Variants in DDX56 observed in about 807,000 individuals in gnomAD.
DDX56 encodes the protein probable ATP-dependent RNA helicase DDX56.
In DDX56, 45 loss-of-function variants were observed where a neutral mutation model predicts 61.5. The observed-to-expected ratio is 0.73, with a 90% CI of 0.58 to 0.94. DDX56 has a LOEUF of 0.94. DDX56 is among the 40% of genes least tolerant of loss of function. The probability of loss-of-function intolerance (pLI) is 0.00; values close to 1 mark genes in which losing one functional copy is unlikely to be tolerated. For synonymous variants in DDX56, 273 were observed against 268.3 expected (o/e 1.02, Z -0.17); for missense variants, 708 against 690.7 (o/e 1.02, Z -0.28).
In DDX56 at chr7:44,573,577, A is replaced by T. The variant is rs771577632; in HGVS notation, c.222+6T>A. The T allele has an allele frequency of 6.2e-7, 1 of 1,612,254 alleles. No homozygotes were observed. The highest frequency in any genetic ancestry group is 8.5e-7 in the Non-Finnish European group (1 of 1,178,850). ...CCTTCCTCCCCTCAGCTCTCTCGTT[A>T]CCCACCGCCTTCCTATGGAGCAACA... is the stretch of plus-strand genomic sequence containing the variant. On this transcript the variant is annotated splice_donor_region_variant and intron_variant, in intron 2 of 13. Transcript: ENST00000258772.
intron 13 of DDX56, 54 bp from the exon 14 acceptor site, chr7:44,566,133 A>AACAC: frequency 1.3e-6 from 1 of 743,096 alleles, no homozygotes; most frequent in Non-Finnish European, 2.0e-6. Context: ...CAGACAATCC[A>AACAC]CCCACCCACC....
chr7:44,570,748 A>G lies in DDX56; in HGVS notation c.1010+10T>C. 1 of 1,597,884 alleles carries G rather than the reference A, an allele frequency of 6.3e-7. No homozygotes were observed. Among genetic ancestry groups the G allele is most frequent in the Non-Finnish European group, 8.5e-7 (1 of 1,171,208 alleles). On this transcript the variant is annotated intron_variant, in intron 7 of 13. Transcript: ENST00000258772. ...TCTGGGGAGGGATGGAAAAAGAGGCATGGACTCACTTGTCCCCTTTGGGCC... is the reference window on the plus strand; with the variant it reads ...TCTGGGGAGGGATGGAAAAAGAGGCGTGGACTCACTTGTCCCCTTTGGGCC...
chr7:44,568,852 A>C (rs1802602636), intron 11 of DDX56, 51 bp downstream of exon 11: 1 of 1,516,916 alleles, frequency 6.6e-7, no homozygotes, highest in African/African-American at 1.4e-5. Context: ...CCAGTCTCCA[A>C]AAAGGGCAGC....
chr7:44,566,151 C>A (rs776489652), intron 13 of DDX56, 72 bp from the exon 14 acceptor site: 32 of 897,036 alleles, frequency 3.6e-5, no homozygotes, highest in Non-Finnish European at 5.1e-5. Context: ...ACCCACCCAA[C>A]TGAGAAAGAC....
At chr7:44,568,040 CA>C in intron 12 of DDX56, 77 bp downstream of exon 12, 1 of 1,187,200 alleles carries the variant, frequency 8.4e-7, no homozygotes, top group Non-Finnish European at 1.2e-6. Flanking sequence ...GCACCAAGCA[CA>C]GGGGCTGACC....
At chr7:44,568,847 C>G (rs1802602583) in intron 11 of DDX56, 56 bp downstream of exon 11, 2 of 1,466,712 alleles carry the variant, frequency 1.4e-6, no homozygotes, top group Non-Finnish European at 1.9e-6. Flanking sequence ...CTCAGCCAGT[C>G]TCCAAAAAGG....
rs954981834 is a variant in DDX56, at chr7:44,570,867, T to C, written c.901A>G (p.Ile301Val). The C allele has an allele frequency of 6.2e-7, 1 of 1,612,366 alleles. No homozygotes were observed. The highest frequency in any genetic ancestry group is 1.3e-5 in the African/African-American group (1 of 75,038). The stretch of plus-strand genomic sequence containing the variant: ...TAGAAGCCTTGGTTGAACTGTGAGA[T>C]GATGTGGCACCTGCAGCCAAGAGCG... ...ELPLRSRCHI[I>V]SQFNQGFYDC... The change falls in exon 7 of 14, where the codon ATC (isoleucine) becomes GTC (valine). Residue 301 changes from isoleucine to valine, a missense_variant. Physicochemically the swap from Ile to Val is conservative, Grantham distance 29 (BLOSUM62 3). Transcript: ENST00000258772.
Position 44,570,106 on chromosome 7 carries a change from C to A in DDX56, c.1033G>T (p.Val345Leu). Residue 345 changes from valine (V) to leucine (L), a missense_variant, in exon 8 of 14, where the codon GTG becomes TTG. Physicochemically the swap from Val to Leu is conservative, Grantham distance 32. Coordinates refer to ENST00000258772, the MANE Select transcript of DDX56 (RefSeq NM_019082.4). The part of the protein sequence containing the change: ...GDKASDPEAG[V>L]ARGIDFHHVS... Reference sequence around the variant, plus strand: ...TGGTGGAAGTCTATGCCCCGGGCCACACCTGCTTCCGGATCAGAGGCCCTG... The same window carrying A: ...TGGTGGAAGTCTATGCCCCGGGCCAAACCTGCTTCCGGATCAGAGGCCCTG... 6.2e-7 allele frequency: 1 copy of A among 1,614,122 alleles called. No homozygotes were observed. The highest frequency in any genetic ancestry group is 1.3e-5 in the African/African-American group (1 of 75,056).
Position 44,565,894 on chromosome 7 carries a change from C to T in DDX56, c.*108G>A. ...CTAAAGGGCCCAGCACTGCCGGCCC[C>T]AGAACTGTCTGTTCAGGCTGTGCAG... On this transcript the variant is annotated 3_prime_UTR_variant, in exon 14 of 14. Coordinates refer to ENST00000258772, the MANE Select transcript of DDX56 (RefSeq NM_019082.4). The T allele has an allele frequency of 1.1e-6, 1 of 889,058 alleles. No individual in the cohort carries two copies. Among genetic ancestry groups the T allele is most frequent in the Non-Finnish European group, 1.8e-6 (1 of 541,552 alleles). The allele number at this position is 889,058 out of a possible 1,614,324, so 55.1% of individuals were successfully genotyped here.
chr7:44,572,731 C>G lies in DDX56; in HGVS notation c.397G>C (p.Glu133Gln). 1.2e-6 allele frequency: 2 copies of G among 1,614,206 alleles called. No individual in the cohort carries two copies. Among genetic ancestry groups the G allele is most frequent in the African/African-American group, 1.3e-5 (1 of 75,060 alleles). ...GTCCCTACTACCACATCTGGCTTCT[C>G]CATCAGCACAGCTCTGGAGGTGGAC... ...DSVSQRAVLM[E>Q]KPDVVVGTPS... Residue 133 changes from glutamate to glutamine, a missense_variant, in exon 4 of 14, where the codon GAG (glutamate) becomes CAG (glutamine). By Grantham distance (29) the Glu-to-Gln change is conservative (BLOSUM62 2). Coordinates refer to ENST00000258772, the MANE Select transcript of DDX56 (RefSeq NM_019082.4).
chr7:44,570,975 C>A, intron 6 of DDX56, 98 bp from the exon 7 acceptor site: 1 of 1,410,836 alleles, frequency 7.1e-7, no homozygotes, highest in Admixed American at 2.3e-5. Context: ...TTTCCTTTTT[C>A]CTCTTCTTAA....
rs367859317 is a variant in DDX56, at chr7:44,569,154, G to A, written c.1269C>T (p.Ile423=). 1,348 of 1,614,054 alleles carry A rather than the reference G, an allele frequency of 8.4e-4. 16 individuals carry two copies. The South Asian group carries it at 0.014, about 17-fold the overall frequency. The change falls in exon 10 of 14, where the codon ATC becomes ATT. Residue 423 remains isoleucine (I), a synonymous_variant. Coordinates refer to ENST00000258772, the MANE Select transcript of DDX56 (RefSeq NM_019082.4). ...LLPYQFRMEE[I]EGFRYRCRDA... is the part of the protein sequence containing the mutation. ...CCCTGCAGCGATAGCGGAAGCCCTCGATCTCCTCCATCCGGAACTGGTAGG... is the reference window on the plus strand; with the variant it reads ...CCCTGCAGCGATAGCGGAAGCCCTCAATCTCCTCCATCCGGAACTGGTAGG...
rs918675938 is a variant in DDX56 at position 44,568,230 on chromosome 7, G to A, written c.1384-7C>T. ...GGTTGTCTTCAAAGTATGTCTGCCG[G>A]GGGAAGAGGGAGAGCCACAGAGTGA... On this transcript the variant is annotated splice_polypyrimidine_tract_variant and splice_region_variant and intron_variant, in intron 11 of 13. Coordinates refer to ENST00000258772, the MANE Select transcript of DDX56 (RefSeq NM_019082.4). 8.1e-6 allele frequency: 13 copies of A among 1,598,618 alleles called. No individual in the cohort carries two copies. Among genetic ancestry groups the A allele is most frequent in the Non-Finnish European group, 1.1e-5 (13 of 1,168,630 alleles).
In DDX56 at chr7:44,565,974, T is replaced by A; in HGVS notation, c.*28A>T. On this transcript the variant is annotated 3_prime_UTR_variant, in exon 14 of 14. Transcript: ENST00000258772. The stretch of plus-strand genomic sequence containing the variant: ...GGGTGTAAGCCTGTGCTCCACAATG[T>A]GCTCAGCTCCAGAGAGGCCCAACAA... 6.4e-7 allele frequency: 1 copy of A among 1,555,836 alleles called. No homozygotes were observed. Among genetic ancestry groups the A allele is most frequent in the Non-Finnish European group, 8.8e-7 (1 of 1,130,218 alleles).
chr7:44,567,939 A>G (rs1180815447), intron 12 of DDX56, among the ~76,000 whole-genome samples, 179 bp downstream of exon 12: 1 of 152,228 alleles, frequency 6.6e-6, no homozygotes, highest in Non-Finnish European at 1.5e-5. Context: ...CGTGGGACCA[A>G]GCAAACAAGT....
intron 13 of DDX56, 129 bp downstream of exon 13, chr7:44,566,319 C>A: frequency 2.2e-6 from 2 of 918,966 alleles, no homozygotes; most frequent in Admixed American, 2.0e-5. Context: ...TTCTAGGGTG[C>A]CCCCTCTTCC....
chr7:44,568,750 T>G (rs1802600483), intron 11 of DDX56, among the ~76,000 whole-genome samples, 153 bp downstream of exon 11: 1 of 151,808 alleles, frequency 6.6e-6, no homozygotes, highest in Admixed American at 6.6e-5. Context: ...ACAGACTGGC[T>G]TCCTTCCATG....
Position 44,570,115 on chromosome 7 carries a change from C to A in DDX56, c.1024G>T (p.Glu342Ter). 6.2e-7 allele frequency: 1 copy of A among 1,614,062 alleles called. No individual in the cohort carries two copies. Among genetic ancestry groups the A allele is most frequent in the Non-Finnish European group, 8.5e-7 (1 of 1,180,042 alleles). Reference sequence around the variant, plus strand: ...TCTATGCCCCGGGCCACACCTGCTTCCGGATCAGAGGCCCTGCAGAGATAA... The same window carrying A: ...TCTATGCCCCGGGCCACACCTGCTTACGGATCAGAGGCCCTGCAGAGATAA... ...GPKGDKASDP[E>*]AGVARGIDFH... Residue 342 changes from glutamate (E) to a stop codon, truncating the protein, a stop_gained, in exon 8 of 14, where the codon GAA becomes TAA. Transcript: ENST00000258772. LOFTEE classifies it high-confidence loss of function.
chr7:44,573,607 C>T lies in DDX56; in HGVS notation c.198G>A (p.Leu66=). The T allele has an allele frequency of 6.2e-7, 1 of 1,613,794 alleles. No individual in the cohort carries two copies. ...GKTAAYAIPM[L]QLLLHRKATG... ...CCGCCTTCCTATGGAGCAACAGCTG[C>T]AGCATCGGAATAGCATAAGCGGCCG... The change falls in exon 2 of 14, where the codon CTG becomes CTA. Residue 66 remains leucine (L), a synonymous_variant. Transcript: ENST00000258772.
Sources: allele counts gnomAD v4.1 joint callset (sites outside exome capture counted in the v4.1 genomes callset), GRCh38; gene constraint gnomAD v4.1.1; transcripts MANE v1.5; gene names NCBI Gene and HGNC (gene_info 2026-07-23, HGNC 2026-07-21).